The following DBF4 variants were observed in gnomAD, a reference collection of about 807,000 sequenced individuals.
The protein encoded by DBF4 is protein DBF4 homolog A.
In DBF4, 25 loss-of-function variants were observed where a neutral mutation model predicts 76.6. The observed-to-expected ratio is 0.33, with a 90% CI of 0.24 to 0.46. The LOEUF (loss-of-function observed/expected upper bound fraction) is 0.46, where lower values mean the gene tolerates loss of function less well. Ranked by LOEUF, DBF4 falls within the 20% of genes least tolerant of loss-of-function variation. The pLI is 1.00. For missense variants in DBF4, 638 were observed against 760.8 expected (o/e 0.84, Z 1.90); for synonymous variants, 213 against 258.0 (o/e 0.83, Z 1.67).
At chr7:87,885,700 T>C (rs141445433) in intron 3 of DBF4, among the ~76,000 whole-genome samples, 126 of 152,356 alleles carry the variant, frequency 8.3e-4, no homozygotes, top group African/African-American at 3.0e-3. Context: ...AATCTGTAGT[T>C]GTTGTGTTTT....
chr7:87,887,212 G>A (rs11982729), intron 4 of DBF4, 117 bp from the exon 5 acceptor site: 1 of 834,296 alleles, frequency 1.2e-6, no homozygotes, highest in Non-Finnish European at 1.9e-6. Context: ...AACTCTATAG[G>A]GTCTGTTACA....
At chr7:87,901,020 TC>T in intron 10 of DBF4, 142 bp downstream of exon 10, 1 of 688,322 alleles carries the variant, frequency 1.5e-6, no homozygotes, top group Admixed American at 2.8e-5. Context: ...GAATTTTTAT[TC>T]AGCAAATACT....
chr7:87,878,101 T>C lies in DBF4; in HGVS notation c.95T>C (p.Leu32Pro), dbSNP rs1839115450. Residue 32 changes from leucine (L) to proline (P), a missense_variant, in exon 2 of 12, where the codon CTG (leucine) becomes CCG (proline). By Grantham distance (98) the Leu-to-Pro change is moderately conservative (BLOSUM62 -3). Transcript: ENST00000265728. ...NEKNRPSLKSLKTDNRPEKSK... is the reference protein window; with the variant it reads ...NEKNRPSLKSPKTDNRPEKSK... ...AAAAACAGACCATCTCTGAAATCTC[T>C]GAAAACTGATAACAGGCCAGAAAAA... 6.2e-7 allele frequency: 1 copy of C among 1,611,392 alleles called. No homozygotes were observed. Among genetic ancestry groups the C allele is most frequent in the Non-Finnish European group, 8.5e-7 (1 of 1,179,524 alleles).
chr7:87,886,588 A>T (rs1839360713), intron 3 of DBF4, among the ~76,000 whole-genome samples: 1 of 151,786 alleles, frequency 6.6e-6, no homozygotes. Context: ...ACAGTATATA[A>T]AATTTATTGT....
chr7:87,896,612 G>A, intron 7 of DBF4, 102 bp downstream of exon 7: 1 of 1,048,108 alleles, frequency 9.5e-7, no homozygotes, highest in African/African-American at 1.6e-5. Flanking sequence ...TTTATTCAAG[G>A]CTTTCTTCGT....
chr7:87,878,333 A>G, intron 2 of DBF4, 108 bp downstream of exon 2: 2 of 852,762 alleles, frequency 2.3e-6, no homozygotes, highest in South Asian at 1.9e-5. Flanking sequence ...ATTAGCACCA[A>G]GCTTAACATT....
chr7:87,905,090 A>C (rs1481829295), intron 11 of DBF4, among the ~76,000 whole-genome samples: 2 of 152,228 alleles, frequency 1.3e-5, no homozygotes, highest in African/African-American at 4.8e-5. Context: ...AGTTGGGATT[A>C]CAGGCGTGTG....
chr7:87,898,558 G>A (rs1439191395), intron 8 of DBF4, among the ~76,000 whole-genome samples: 1 of 152,086 alleles, frequency 6.6e-6, no homozygotes, highest in Non-Finnish European at 1.5e-5. Flanking sequence ...TTGGGAGGCC[G>A]AGGCAGGCAG....
chr7:87,883,832 G>A (rs1839277169), intron 2 of DBF4, among the ~76,000 whole-genome samples: 2 of 152,108 alleles, frequency 1.3e-5, no homozygotes, highest in African/African-American at 4.8e-5. Flanking sequence ...GATGTAAATT[G>A]TTACTGCTTA....
At chr7:87,882,049 G>A (rs1839227798) in intron 2 of DBF4, among the ~76,000 whole-genome samples, 1 of 152,194 alleles carries the variant, frequency 6.6e-6, no homozygotes, top group South Asian at 2.1e-4. Context: ...AGATTGCAAA[G>A]GGCGTTTTAT....
intron 6 of DBF4, among the ~76,000 whole-genome samples, chr7:87,889,499 C>T (rs868232574): frequency 1.3e-5 from 2 of 151,966 alleles, no homozygotes; most frequent in Non-Finnish European, 2.9e-5. Context: ...AGGCTGGTCT[C>T]GAACTCCTGA....
intron 2 of DBF4, among the ~76,000 whole-genome samples, chr7:87,884,286 G>C (rs1489869842): frequency 2.0e-5 from 3 of 152,188 alleles, no homozygotes; most frequent in Non-Finnish European, 4.4e-5. Context: ...CAGGTACTTG[G>C]GAGGTTGAGG....
chr7:87,904,763 C>T (rs1839874974), intron 11 of DBF4, among the ~76,000 whole-genome samples: 1 of 151,890 alleles, frequency 6.6e-6, no homozygotes, highest in Admixed American at 6.6e-5. Context: ...ATAAATTATA[C>T]TAGAATATTA....
Position 87,906,840 on chromosome 7 carries a change from A to C in DBF4, c.1050-348A>C, listed in dbSNP as rs1445117784. Among the ~76,000 whole-genome samples, 3 of 152,282 alleles carry C rather than the reference A, an allele frequency of 2.0e-5. No individual in the cohort carries two copies. The East Asian group carries it at 5.8e-4, about 29-fold the overall frequency. On this transcript the variant is annotated intron_variant, in intron 11 of 11. Transcript: ENST00000265728. ...TGTTCAGAATAATGAAAGCAAAATT[A>C]GGGGCAGGCTCAAATCCCTTTACTA... is the stretch of plus-strand genomic sequence containing the variant.
At chr7:87,886,146 T>A (rs1176557618) in intron 3 of DBF4, among the ~76,000 whole-genome samples, 1 of 152,148 alleles carries the variant, frequency 6.6e-6, no homozygotes, top group Admixed American at 6.5e-5. Flanking sequence ...TCTGAGTTAA[T>A]GCTTTTTTGG....
chr7:87,876,895 C>T, intron 1 of DBF4, 117 bp downstream of exon 1: 5 of 1,135,014 alleles, frequency 4.4e-6, no homozygotes, highest in Non-Finnish European at 6.5e-6. Flanking sequence ...TCTGACCGGC[C>T]TCTGGGGTCT....
intron 2 of DBF4, among the ~76,000 whole-genome samples, chr7:87,881,956 T>C (rs1584352902): frequency 1.3e-5 from 2 of 152,230 alleles, no homozygotes; most frequent in African/African-American, 4.8e-5. Flanking sequence ...GCAGTTTGTT[T>C]GTACAACTAC....
At chr7:87,886,392 G>A (rs760764210) in intron 3 of DBF4, among the ~76,000 whole-genome samples, 2 of 151,724 alleles carry the variant, frequency 1.3e-5, no homozygotes, top group Non-Finnish European at 2.9e-5. Context: ...AAAATTAGCC[G>A]GGCATGATGG....
rs372736107 is a variant in DBF4, at chr7:87,907,283, A to G, written c.1145A>G (p.Gln382Arg). 1.6e-5 allele frequency: 26 copies of G among 1,614,018 alleles called. No individual in the cohort carries two copies. In the African/African-American group the frequency reaches 3.3e-4, roughly 21 times the overall value. The change falls in exon 12 of 12, where the codon CAG becomes CGG. Residue 382 changes from glutamine to arginine, a missense_variant. Coordinates refer to ENST00000265728, the MANE Select transcript of DBF4 (RefSeq NM_006716.4). ...KEKVELQHISQKDCQEDDTTV... is the reference protein window; with the variant it reads ...KEKVELQHISRKDCQEDDTTV... ...AAAGTGGAATTGCAACATATTTCTCAGAAAGATTGCCAGGAAGATGATACA... is the reference window on the plus strand; with the variant it reads ...AAAGTGGAATTGCAACATATTTCTCGGAAAGATTGCCAGGAAGATGATACA...
Sources: gnomAD v4.1 joint callset for allele counts (sites outside exome capture counted in the v4.1 genomes callset) on GRCh38, gnomAD v4.1.1 for gene constraint, MANE v1.5 for transcripts, NCBI Gene and HGNC (gene_info 2026-07-23, HGNC 2026-07-21) for gene names.